The following EXTL3 variants were observed in gnomAD, a reference collection of about 807,000 sequenced individuals.
EXTL3 encodes the protein exostosin-like 3.
EXTL3 carries 27 observed loss-of-function variants against 69.3 expected under a neutral mutation model. The ratio of observed to expected loss-of-function variants is 0.39; its 90% CI spans 0.29 to 0.54. The LOEUF (loss-of-function observed/expected upper bound fraction) is 0.54. Ranked by LOEUF, EXTL3 falls within the 20% of genes least tolerant of loss-of-function variation. The pLI, the probability that EXTL3 is intolerant of heterozygous loss-of-function variation, is 0.69. For synonymous variants in EXTL3, 511 were observed against 499.4 expected (o/e 1.02, Z -0.31); for missense variants, 1,003 against 1,231.8 (o/e 0.81, Z 2.78).
chr8:28,680,933 G>A (rs1198272939), intron 1 of EXTL3, among the ~76,000 whole-genome samples: 7 of 151,858 alleles, frequency 4.6e-5, no homozygotes, highest in African/African-American at 1.2e-4. Flanking sequence ...GCTGGAGTGC[G>A]GTGACACGAT....
chr8:28,709,394 G>C (rs535904602), intron 1 of EXTL3, among the ~76,000 whole-genome samples: 13 of 152,216 alleles, frequency 8.5e-5, no homozygotes, highest in East Asian at 1.9e-4. Flanking sequence ...TCTGGAAAGC[G>C]TCTAGCCTCT....
At chr8:28,634,795 A>C (rs181404690) in intron 1 of EXTL3, among the ~76,000 whole-genome samples, 1 of 152,068 alleles carries the variant, frequency 6.6e-6, no homozygotes, top group African/African-American at 2.4e-5. Context: ...GGGTTTTGCC[A>C]TGTTGGCCAG....
intron 1 of EXTL3, among the ~76,000 whole-genome samples, chr8:28,652,989 A>G (rs1009725830): frequency 6.6e-6 from 1 of 152,182 alleles, no homozygotes; most frequent in African/African-American, 2.4e-5. Flanking sequence ...AGAGTGGTAC[A>G]TCTAATACAA....
At chr8:28,647,231 A>G (rs1224365929) in intron 1 of EXTL3, among the ~76,000 whole-genome samples, 2 of 151,152 alleles carry the variant, frequency 1.3e-5, no homozygotes, top group Non-Finnish European at 2.9e-5. Context: ...CATCCTCCCT[A>G]GTAGCTGGGA....
chr8:28,616,364 G>T (rs932387010), intron 2 of EXTL3, among the ~76,000 whole-genome samples: 4 of 152,136 alleles, frequency 2.6e-5, no homozygotes, highest in African/African-American at 9.7e-5. Context: ...AGTGGCTCAC[G>T]CCTGTAATCC....
At chr8:28,702,310 C>A (rs368434793) in intron 1 of EXTL3, among the ~76,000 whole-genome samples, 20 of 152,242 alleles carry the variant, frequency 1.3e-4, no homozygotes, top group African/African-American at 4.1e-4. Context: ...CCCAGCTCCC[C>A]TAGAGCCGGC....
At chr8:28,743,843 CAAAA>C in intron 6 of EXTL3, 1 of 156,488 alleles carries the variant, frequency 6.4e-6, no homozygotes, top group Non-Finnish European at 1.4e-5. Context: ...GTCCATCAAA[CAAAA>C]AACTTAAGAA....
At chr8:28,626,671 C>T (rs1265871658) in intron 1 of EXTL3, among the ~76,000 whole-genome samples, 1 of 152,104 alleles carries the variant, frequency 6.6e-6, no homozygotes, top group African/African-American at 2.4e-5. Context: ...TATTATTAGC[C>T]CACTTCCCAG....
intron 1 of EXTL3, among the ~76,000 whole-genome samples, chr8:28,688,491 C>T (rs1293845446): frequency 1.3e-5 from 2 of 152,210 alleles, no homozygotes; most frequent in East Asian, 3.8e-4. Flanking sequence ...TTACACTACT[C>T]CTATGGGTAG....
intron 1 of EXTL3, among the ~76,000 whole-genome samples, chr8:28,649,387 C>G (rs931839320): frequency 2.6e-5 from 4 of 152,208 alleles, no homozygotes; most frequent in Non-Finnish European, 4.4e-5. Context: ...CTCTACCATG[C>G]TTACTACTGT....
At chr8:28,720,212 C>G (rs1295609881) in intron 3 of EXTL3, among the ~76,000 whole-genome samples, 2 of 152,118 alleles carry the variant, frequency 1.3e-5, no homozygotes, top group African/African-American at 4.8e-5. Flanking sequence ...GTAGCTCTCT[C>G]TGCTATAGAA....
chr8:28,626,909 G>C (rs949540728), intron 1 of EXTL3, among the ~76,000 whole-genome samples: 4 of 152,214 alleles, frequency 2.6e-5, no homozygotes, highest in Non-Finnish European at 4.4e-5. Context: ...CTGGCTGGGC[G>C]TGGTGGCTCA....
intron 1 of EXTL3, among the ~76,000 whole-genome samples, chr8:28,665,798 T>G (rs1807188045): frequency 6.6e-6 from 1 of 152,226 alleles, no homozygotes; most frequent in Non-Finnish European, 1.5e-5. Flanking sequence ...GTACGCTTTT[T>G]TATTCTTTTC....
intron 4 of EXTL3, among the ~76,000 whole-genome samples, chr8:28,732,421 A>G (rs1801556195): frequency 1.3e-5 from 2 of 152,170 alleles, no homozygotes. Context: ...ACCCCATAAA[A>G]TTCACTCATT....
chr8:28,665,063 C>CCTT (rs1807173884), intron 1 of EXTL3, among the ~76,000 whole-genome samples: 1 of 62,398 alleles, frequency 1.6e-5, no homozygotes, highest in Non-Finnish European at 3.1e-5. Context: ...TTTTCCTTTA[C>CCTT]TTTTTTTTTT....
intron 3 of EXTL3, among the ~76,000 whole-genome samples, chr8:28,729,244 G>A (rs1223090628): frequency 3.9e-5 from 5 of 129,694 alleles, no homozygotes; most frequent in African/African-American, 1.5e-4. Context: ...GTAGTGAGCC[G>A]AGATCACACC....
At chr8:28,643,807 C>G (rs894256014) in intron 1 of EXTL3, among the ~76,000 whole-genome samples, 1 of 152,046 alleles carries the variant, frequency 6.6e-6, no homozygotes, top group Non-Finnish European at 1.5e-5. Flanking sequence ...GCCTTGTCAC[C>G]CAAGCTGGAG....
intron 1 of EXTL3, among the ~76,000 whole-genome samples, chr8:28,630,840 A>G (rs976731653): frequency 1.3e-5 from 2 of 152,246 alleles, no homozygotes; most frequent in South Asian, 2.1e-4. Context: ...AAATGCATAC[A>G]GGAAAGAAAG....
chr8:28,652,025 T>TTGTGTGTGTGTG (rs113760212), intron 1 of EXTL3, among the ~76,000 whole-genome samples: 74 of 151,412 alleles, frequency 4.9e-4, no homozygotes, highest in African/African-American at 1.7e-3. Context: ...TAATATTCCA[T>TTGTGTGTGTGTG]TGTGTGTGTG....
Sources: allele counts gnomAD v4.1 joint callset (sites outside exome capture counted in the v4.1 genomes callset), GRCh38; gene constraint gnomAD v4.1.1; transcripts MANE v1.5; gene names NCBI Gene and HGNC (gene_info 2026-07-23, HGNC 2026-07-21).